The following FRMD7 variants were observed in gnomAD, a reference collection of about 807,000 sequenced individuals.
The protein encoded by FRMD7 is FERM domain-containing protein 7.
In FRMD7, 14 loss-of-function variants were observed where a neutral mutation model predicts 44.1. That is an observed-to-expected ratio of 0.32 (90% CI 0.21 to 0.50). The LOEUF (loss-of-function observed/expected upper bound fraction) is 0.50. Among genes scored for constraint, FRMD7 ranks in the 20% least tolerant of loss-of-function variants. The probability of loss-of-function intolerance (pLI) is 0.99; values close to 1 mark genes in which losing one functional copy is unlikely to be tolerated. For missense variants in FRMD7, 501 were observed against 522.3 expected, an observed-to-expected ratio of 0.96 and a Z score of 0.40; for synonymous variants, 212 against 187.4, an observed-to-expected ratio of 1.13 and a Z score of -1.07.
At chrX:132,088,689 A>T (rs1482055445) in intron 5 of FRMD7, among the ~76,000 whole-genome samples, 11 of 112,262 alleles carry the variant, frequency 9.8e-5, no homozygotes, top group Non-Finnish European at 1.9e-5. Context: ...TTGTATTTAT[A>T]TATACTAGCA....
intron 1 of FRMD7, among the ~76,000 whole-genome samples, chrX:132,125,251 T>A (rs963893648): frequency 8.1e-5 from 9 of 111,648 alleles, no homozygotes; most frequent in African/African-American, 2.9e-4. Context: ...GGAGAAAGGG[T>A]TCTGGATGTC....
intron 1 of FRMD7, among the ~76,000 whole-genome samples, chrX:132,105,163 T>C (rs1330852094): frequency 8.9e-6 from 1 of 111,778 alleles, no homozygotes. Context: ...TGACAGATTA[T>C]GGATGTGGTT....
At chrX:132,100,194 C>T (rs917262617) in intron 2 of FRMD7, among the ~76,000 whole-genome samples, 5 of 111,913 alleles carry the variant, frequency 4.5e-5, no homozygotes, top group Non-Finnish European at 7.5e-5. Flanking sequence ...TGCGGTGGTG[C>T]GATGCTGGCT....
At chrX:132,089,040 C>G (rs1928086069) in intron 5 of FRMD7, among the ~76,000 whole-genome samples, 1 of 112,013 alleles carries the variant, frequency 8.9e-6, no homozygotes, top group South Asian at 3.6e-4. Flanking sequence ...AATAACCAAA[C>G]TATTTTGAAA....
At position 132,081,746 on chromosome X, in the gene FRMD7, C is replaced by T. The variant is rs182834465; in HGVS notation, c.905+617G>A. On this transcript the variant is annotated intron_variant, in intron 9 of 11. Coordinates refer to ENST00000298542, the MANE Select transcript of FRMD7 (RefSeq NM_194277.3). The stretch of plus-strand genomic sequence containing the variant: ...TTCCTCCAACGGATTCCTAGGCTGA[C>T]GTATTCAAGTAAAGACAAGATCTTT... Among the ~76,000 whole-genome samples, 53 of 111,542 alleles carry T rather than the reference C, an allele frequency of 4.8e-4. 1 individual carries two copies. The highest frequency in any genetic ancestry group is 1.5e-3 in the African/African-American group (46 of 30,769).
At chrX:132,082,275 G>T in intron 9 of FRMD7, 88 bp downstream of exon 9, 1 of 762,222 alleles carries the variant, frequency 1.3e-6, no homozygotes, top group Non-Finnish European at 2.1e-6. Context: ...ATTCTTTGTT[G>T]CTTCTAGAAT....
chrX:132,118,393 C>T (rs1928955597), intron 1 of FRMD7, among the ~76,000 whole-genome samples: 1 of 108,231 alleles, frequency 9.2e-6, no homozygotes, highest in East Asian at 2.9e-4. Flanking sequence ...GTGAGTAGGG[C>T]AGGATTTTAT....
At position 132,128,012 on chromosome X, in the gene FRMD7, A is replaced by C; in HGVS notation, c.-168T>G. ...GTTTGCTTGAAGTAATGCACACCCA[A>C]GGGCATTTGTGCTGCCAAGTGCAGG... On this transcript the variant is annotated 5_prime_UTR_variant, in exon 1 of 12. Transcript: ENST00000298542. 4.0e-6 allele frequency: 2 copies of C among 501,380 alleles called. No individual in the cohort carries two copies. The allele number at this position is 501,380 out of a possible 1,213,427, so 41.3% of individuals were successfully genotyped here. A position where few individuals can be genotyped will look rare whatever the true frequency, so the allele number is the denominator to read the frequency against.
intron 5 of FRMD7, among the ~76,000 whole-genome samples, chrX:132,092,302 C>CTTGAACT (rs1928202333): frequency 9.0e-6 from 1 of 111,537 alleles, no homozygotes; most frequent in African/African-American, 3.3e-5. Context: ...TGTGGAGGTT[C>CTTGAACT]TTGAACGCTT....
intron 9 of FRMD7, 54 bp from the exon 10 acceptor site, chrX:132,080,320 C>G (rs1927768167): frequency 7.6e-6 from 6 of 794,094 alleles, no homozygotes; most frequent in Non-Finnish European, 1.2e-5. Flanking sequence ...CAATAGGCTA[C>G]TAAAACTTGA....
intron 2 of FRMD7, 27 bp from the exon 3 acceptor site, chrX:132,099,537 G>A: frequency 8.8e-7 from 1 of 1,140,071 alleles, no homozygotes; most frequent in Non-Finnish European, 1.2e-6. Context: ...GAAAAAATTG[G>A]TAGAGCATGG....
intron 1 of FRMD7, among the ~76,000 whole-genome samples, chrX:132,113,997 A>G (rs1928842012): frequency 1.1e-5 from 1 of 91,000 alleles, no homozygotes; most frequent in Non-Finnish European, 2.1e-5. Context: ...ATCTTTTCTC[A>G]CCTTTGGACT....
chrX:132,105,467 C>T lies in FRMD7; in HGVS notation c.58-4751G>A, dbSNP rs192991949. ...TTTACAGATTCAATGCAATTCCCAT[C>T]AAACTACCAATGACATTCTTCACAG... On this transcript the variant is annotated intron_variant, in intron 1 of 11. Transcript: ENST00000298542. Among the ~76,000 whole-genome samples, 690 of 111,679 alleles carry T rather than the reference C, an allele frequency of 6.2e-3. 5 individuals are homozygous for T. The highest frequency in any genetic ancestry group is 0.021 in the African/African-American group (651 of 30,716).
rs780157700 is a variant in FRMD7, at chrX:132,085,724, T to C, written c.502A>G (p.Arg168Gly). The stretch of plus-strand genomic sequence containing the variant: ...AGAATGTCAGATTCAGCTGGGCTCC[T>C]GCCACTGAAAGGGGAAAGAATTTAT... Reference protein sequence around the residue: ...IMHFHQKHIGRSPAESDILLL... With the variant: ...IMHFHQKHIGGSPAESDILLL... The change falls in exon 7 of 12, where the codon AGG becomes GGG. Residue 168 changes from arginine (R) to glycine (G), a missense_variant. Transcript: ENST00000298542. The C allele has an allele frequency of 5.8e-6, 7 of 1,209,351 alleles. No homozygotes were observed. The South Asian group carries it at 1.1e-4, about 18-fold the overall frequency.
intron 1 of FRMD7, among the ~76,000 whole-genome samples, chrX:132,105,985 G>C (rs931103308): frequency 1.8e-5 from 2 of 111,700 alleles, no homozygotes; most frequent in Non-Finnish European, 3.8e-5. Flanking sequence ...AAAAACAATC[G>C]CAACAAAAGC....
At chrX:132,084,304 C>T (rs1412017749) in intron 8 of FRMD7, among the ~76,000 whole-genome samples, 186 bp downstream of exon 8, 3 of 111,757 alleles carry the variant, frequency 2.7e-5, no homozygotes, top group Non-Finnish European at 5.6e-5. Context: ...AATCAGATTT[C>T]TTAGTGTTTT....
chrX:132,082,268 C>T, intron 9 of FRMD7, 95 bp downstream of exon 9: 1 of 732,829 alleles, frequency 1.4e-6, no homozygotes, highest in Non-Finnish European at 2.2e-6. Context: ...GAAATGGATT[C>T]TTTGTTGCTT....
At position 132,078,221 on chromosome X, in the gene FRMD7, A is replaced by G; in HGVS notation, c.1796T>C (p.Ile599Thr). ...AAATTCTGACCCAAAAGGAAAACGA[A>G]TAGTTTTCATGTCTGATTGGCTCTG... ...RSQSQSDMKTIRFPFGSEFRP... is the reference protein window; with the variant it reads ...RSQSQSDMKTTRFPFGSEFRP... Residue 599 changes from isoleucine (I) to threonine (T), a missense_variant, in exon 12 of 12, where the codon ATT (isoleucine) becomes ACT (threonine). This residue lies in a region of FRMD7 where 453 missense variants were observed against 452.7 expected (regional missense o/e 1.00). Transcript: ENST00000298542. 1 of 1,211,186 alleles carries G rather than the reference A, an allele frequency of 8.3e-7. No homozygotes were observed. The highest frequency in any genetic ancestry group is 1.1e-6 in the Non-Finnish European group (1 of 894,910).
At chrX:132,096,288 G>A (rs1402082464) in intron 4 of FRMD7, among the ~76,000 whole-genome samples, 1 of 109,327 alleles carries the variant, frequency 9.1e-6, no homozygotes, top group Non-Finnish European at 1.9e-5. Flanking sequence ...CTCTTTTGGG[G>A]GGAAGACATC....
Sources: gnomAD v4.1 joint callset for allele counts (sites outside exome capture counted in the v4.1 genomes callset) on GRCh38, gnomAD v4.1.1 for gene constraint, gnomAD v4.1.1 regional missense constraint, MANE v1.5 for transcripts, NCBI Gene and HGNC (gene_info 2026-07-23, HGNC 2026-07-21) for gene names.